TRIM2: variants seen among roughly 807,000 people sequenced by gnomAD.
TRIM2 encodes the protein tripartite motif containing 2.
TRIM2 carries 20 observed loss-of-function variants against 75.2 expected under a neutral mutation model. That is an observed-to-expected ratio of 0.27 (90% CI 0.19 to 0.39). The LOEUF is 0.39. TRIM2 is among the 10% of genes least tolerant of loss of function. The pLI is 1.00. For synonymous variants in TRIM2, 373 were observed against 388.3 expected, an observed-to-expected ratio of 0.96 and a Z score of 0.46; for missense variants, 660 against 990.8, an observed-to-expected ratio of 0.67 and a Z score of 4.48.
intron 6 of TRIM2, among the ~76,000 whole-genome samples, chr4:153,299,008 G>A (rs940983993): frequency 1.3e-5 from 2 of 151,994 alleles, no homozygotes; most frequent in Non-Finnish European, 2.9e-5. Flanking sequence ...CAAAGTGCTG[G>A]GATTACCGGC....
intron 1 of TRIM2, among the ~76,000 whole-genome samples, chr4:153,172,166 C>A (rs1730942805): frequency 6.7e-6 from 1 of 150,080 alleles, no homozygotes. Context: ...GAAACCACGG[C>A]ATTTATTACA....
intron 1 of TRIM2, among the ~76,000 whole-genome samples, chr4:153,220,749 T>C (rs1260573622): frequency 6.6e-6 from 1 of 152,190 alleles, no homozygotes; most frequent in Non-Finnish European, 1.5e-5. Context: ...TAGGCATTTC[T>C]ACAAGGAAGA....
chr4:153,229,038 G>A (rs927737762), intron 1 of TRIM2, among the ~76,000 whole-genome samples: 1 of 152,130 alleles, frequency 6.6e-6, no homozygotes, highest in Non-Finnish European at 1.5e-5. Context: ...GAGGGTACGT[G>A]GGGCCCTGTG....
chr4:153,338,072 T>C lies in TRIM2; in HGVS notation c.*3106T>C. The C allele has an allele frequency of 2.0e-6, 2 of 985,860 alleles. No homozygotes were observed. The highest frequency in any genetic ancestry group is 2.4e-6 in the Non-Finnish European group (2 of 829,928). 61.1% of individuals were successfully genotyped at this position (985,860 alleles called of 1,614,324 possible). ...GTCCCTAAGTTTCCTTATTTTAATT[T>C]ACTGTGACTAGATTTGAAGCAAATA... On this transcript the variant is annotated 3_prime_UTR_variant, in exon 12 of 12. Coordinates refer to ENST00000338700, the MANE Select transcript of TRIM2 (RefSeq NM_015271.5).
Position 153,336,888 on chromosome 4 carries a change from A to C in TRIM2, c.*1922A>C. On this transcript the variant is annotated 3_prime_UTR_variant, in exon 12 of 12. Transcript: ENST00000338700. ...ACTTGAGCCTGTCCGTGATAAAGCT[A>C]TAAAATTCAATAACTTTTTAGAATG... 1.0e-6 allele frequency: 1 copy of C among 985,080 alleles called. No homozygotes were observed. Among genetic ancestry groups the C allele is most frequent in the Non-Finnish European group, 1.2e-6 (1 of 829,314 alleles). The allele number at this position is 985,080 out of a possible 1,614,324, so 61.0% of individuals were successfully genotyped here.
chr4:153,308,513 C>CCAAAAGTTCCTTTAAAAAGTTCCAA (rs1765519507), intron 6 of TRIM2: 6 of 758,298 alleles, frequency 7.9e-6, no homozygotes, highest in Non-Finnish European at 1.5e-5. Context: ...AGTGCTGATA[C>CCAAAAGTTCCTTTAAAAAGTTCCAA]AAGTTCCTTT....
chr4:153,335,416 C>G lies in TRIM2; in HGVS notation c.*450C>G. On this transcript the variant is annotated 3_prime_UTR_variant, in exon 12 of 12. Transcript: ENST00000338700. ...TCACAAGACCCAGGGAATCTTCTAA[C>G]CTCACTTTTACAGTAGGTATTACTC... 1 of 985,718 alleles carries G rather than the reference C, an allele frequency of 1.0e-6. No individual in the cohort carries two copies. Among genetic ancestry groups the G allele is most frequent in the Non-Finnish European group, 1.2e-6 (1 of 830,122 alleles). The allele number at this position is 985,718 out of a possible 1,614,324, so 61.1% of individuals were successfully genotyped here.
At chr4:153,205,228 A>G (rs1483965472) in intron 1 of TRIM2, among the ~76,000 whole-genome samples, 1 of 152,104 alleles carries the variant, frequency 6.6e-6, no homozygotes, top group African/African-American at 2.4e-5. Flanking sequence ...ACGCCATGTG[A>G]GTCGGGGGTG....
At chr4:153,223,528 G>A (rs1741285679) in intron 1 of TRIM2, among the ~76,000 whole-genome samples, 1 of 152,190 alleles carries the variant, frequency 6.6e-6, no homozygotes. Flanking sequence ...CAGGGAGATG[G>A]TGACTTTTGA....
intron 1 of TRIM2, among the ~76,000 whole-genome samples, chr4:153,159,477 A>T (rs1361927776): frequency 1.3e-5 from 2 of 151,390 alleles, no homozygotes; most frequent in South Asian, 2.1e-4. Flanking sequence ...ATTTTTTTAA[A>T]TTATTTTTTG....
intron 1 of TRIM2, among the ~76,000 whole-genome samples, chr4:153,259,745 A>G (rs1165136374): frequency 6.6e-6 from 1 of 152,122 alleles, no homozygotes; most frequent in Non-Finnish European, 1.5e-5. Context: ...AGGGTTGGCT[A>G]TTAGGGTTTT....
intron 10 of TRIM2, 135 bp downstream of exon 10, chr4:153,324,283 G>C: frequency 1.5e-6 from 1 of 652,182 alleles, no homozygotes; most frequent in Non-Finnish European, 2.4e-6. Flanking sequence ...TCTGCTCAAA[G>C]ATGCCGGTTT....
chr4:153,327,651 C>CTTTT (rs1463952848), intron 10 of TRIM2, among the ~76,000 whole-genome samples: 16 of 152,146 alleles, frequency 1.1e-4, no homozygotes, highest in Non-Finnish European at 1.8e-4. Flanking sequence ...TATCATTAAA[C>CTTTT]ATTAACATTT....
intron 10 of TRIM2, among the ~76,000 whole-genome samples, chr4:153,328,249 C>A (rs1770680078): frequency 6.6e-6 from 1 of 152,122 alleles, no homozygotes; most frequent in South Asian, 2.1e-4. Context: ...CTTACTTGTA[C>A]AGTATTTTAT....
chr4:153,244,434 T>TCTTCTTCCTC (rs1491131301), intron 1 of TRIM2, among the ~76,000 whole-genome samples: 4 of 117,508 alleles, frequency 3.4e-5, no homozygotes, highest in Middle Eastern at 4.1e-3. Flanking sequence ...TTCTTCTTCT[T>TCTTCTTCCTC]CTTTTAATTA....
intron 1 of TRIM2, among the ~76,000 whole-genome samples, chr4:153,182,473 T>G (rs1277788305): frequency 6.6e-6 from 1 of 152,172 alleles, no homozygotes; most frequent in Non-Finnish European, 1.5e-5. Flanking sequence ...GGCAACATGT[T>G]GCCCGTGACT....
intron 1 of TRIM2, among the ~76,000 whole-genome samples, chr4:153,160,159 C>T (rs1579230867): frequency 6.6e-6 from 1 of 152,128 alleles, no homozygotes; most frequent in Admixed American, 6.5e-5. Flanking sequence ...ACCTTCTAAG[C>T]GAAATATTTC....
chr4:153,184,008 A>G (rs1388227533), intron 1 of TRIM2, among the ~76,000 whole-genome samples: 2 of 152,176 alleles, frequency 1.3e-5, no homozygotes, highest in Non-Finnish European at 2.9e-5. Flanking sequence ...TGAAGCATGT[A>G]GCACTACCCA....
rs558043457 is a variant in TRIM2 at position 153,253,947 on chromosome 4, T to C, written c.31-16388T>C. Among the ~76,000 whole-genome samples the C allele has an allele frequency of 7.4e-4, 112 of 152,294 alleles. 3 individuals carry two copies. Among genetic ancestry groups the C allele is most frequent in the Admixed American group, 1.6e-3 (24 of 15,308 alleles). ...GTGGCCATTCTTTTATTCCTTTACT[T>C]TATTTATAAACTTGCTTTTACTTTG... On this transcript the variant is annotated intron_variant, in intron 1 of 11. Coordinates refer to ENST00000338700, the MANE Select transcript of TRIM2 (RefSeq NM_015271.5).
Sources: allele counts gnomAD v4.1 joint callset (sites outside exome capture counted in the v4.1 genomes callset), GRCh38; gene constraint gnomAD v4.1.1; transcripts MANE v1.5; gene names NCBI Gene and HGNC (gene_info 2026-07-23, HGNC 2026-07-21).